VPS13B: variants seen among roughly 807,000 people sequenced by gnomAD.
VPS13B encodes the protein intermembrane lipid transfer protein VPS13B.
In VPS13B, 285 loss-of-function variants were observed where a neutral mutation model predicts 426.4. That is an observed-to-expected ratio of 0.67 (90% CI 0.61 to 0.74). VPS13B has a LOEUF of 0.74. Among genes scored for constraint, VPS13B ranks in the 30% least tolerant of loss-of-function variants. The pLI, the probability that VPS13B is intolerant of heterozygous loss-of-function variation, is 0.00. For synonymous variants in VPS13B, 1,676 were observed against 1,676.4 expected (o/e 1.00, Z 0.01); for missense variants, 4,537 against 4,782.6 (o/e 0.95, Z 1.51).
chr8:99,694,782 T>G (rs1288876433), intron 35 of VPS13B, among the ~76,000 whole-genome samples: 1 of 151,840 alleles, frequency 6.6e-6, no homozygotes. Context: ...GGGAGAAAAT[T>G]TTCACCACCT....
chr8:99,467,020 A>G (rs1273564513), intron 23 of VPS13B, among the ~76,000 whole-genome samples: 20 of 152,166 alleles, frequency 1.3e-4, no homozygotes, highest in African/African-American at 3.1e-4. Context: ...ATATTGTCTC[A>G]AAGTTCTTGG....
At chr8:99,781,666 A>C (rs1285995712) in intron 42 of VPS13B, among the ~76,000 whole-genome samples, 1 of 152,110 alleles carries the variant, frequency 6.6e-6, no homozygotes, top group Non-Finnish European at 1.5e-5. Context: ...TTTAATTTAC[A>C]TTTTTTCCTA....
rs751715193 is a variant in VPS13B, at chr8:99,481,622, T to C, written c.3690T>C (p.Thr1230=). 5.0e-6 allele frequency: 8 copies of C among 1,613,814 alleles called. No homozygotes were observed. In the Admixed American group the frequency reaches 5.0e-5, roughly 10 times the overall value. Residue 1230 remains threonine, a synonymous_variant, in exon 25 of 62, where the codon ACT becomes ACC. Transcript: ENST00000357162. ...NPQVQLFYEL[T]DIMNKVWNKI... The stretch of plus-strand genomic sequence containing the variant: ...AGGTCCAGCTCTTCTATGAACTAAC[T>C]GATATCATGAATAAGGTCTGGAACA...
chr8:99,854,298 G>A (rs766431746), intron 56 of VPS13B, 42 bp downstream of exon 56: 1 of 1,596,520 alleles, frequency 6.3e-7, no homozygotes, highest in Non-Finnish European at 8.5e-7. Context: ...CTAGAGCCCG[G>A]GTAGAAATGA....
At chr8:99,304,562 A>G (rs1404274952) in intron 19 of VPS13B, among the ~76,000 whole-genome samples, 1 of 152,090 alleles carries the variant, frequency 6.6e-6, no homozygotes, top group Non-Finnish European at 1.5e-5. Context: ...TTTTTCCTGG[A>G]CTGTCAATGA....
chr8:99,114,033 T>G (rs1052266774), intron 6 of VPS13B, among the ~76,000 whole-genome samples: 2 of 152,192 alleles, frequency 1.3e-5, no homozygotes, highest in Non-Finnish European at 2.9e-5. Flanking sequence ...ACATTTCTCC[T>G]GTTTTTAGAA....
intron 19 of VPS13B, among the ~76,000 whole-genome samples, chr8:99,368,963 G>T (rs1052965472): frequency 6.6e-6 from 1 of 152,136 alleles, no homozygotes; most frequent in Non-Finnish European, 1.5e-5. Context: ...GTTGCACAAG[G>T]TGGTGTCTAT....
chr8:99,324,821 A>T (rs1810156376), intron 19 of VPS13B, among the ~76,000 whole-genome samples: 1 of 152,198 alleles, frequency 6.6e-6, no homozygotes, highest in South Asian at 2.1e-4. Context: ...TGTTACTATA[A>T]TGTAGTCAGT....
At chr8:99,187,618 G>T (rs1813290638) in intron 16 of VPS13B, among the ~76,000 whole-genome samples, 1 of 152,158 alleles carries the variant, frequency 6.6e-6, no homozygotes, top group Non-Finnish European at 1.5e-5. Context: ...TGTTGGATGG[G>T]ATAGTGGCTT....
At chr8:99,294,164 G>C (rs1819899206) in intron 19 of VPS13B, among the ~76,000 whole-genome samples, 1 of 64,776 alleles carries the variant, frequency 1.5e-5, no homozygotes, top group Non-Finnish European at 3.4e-5. Context: ...TGATAGACTG[G>C]ATTAAGAAAA....
At chr8:99,718,511 T>C (rs1833008263) in intron 37 of VPS13B, among the ~76,000 whole-genome samples, 1 of 152,184 alleles carries the variant, frequency 6.6e-6, no homozygotes, top group African/African-American at 2.4e-5. Context: ...TTCTTGATTA[T>C]TTTGTATTTG....
chr8:99,558,191 C>A (rs1824691798), intron 31 of VPS13B, among the ~76,000 whole-genome samples: 1 of 152,074 alleles, frequency 6.6e-6, no homozygotes, highest in Non-Finnish European at 1.5e-5. Context: ...CACAATAATC[C>A]TACCAGGTAA....
At position 99,414,143 on chromosome 8, in the gene VPS13B, C is replaced by T. The variant is rs117647195; in HGVS notation, c.3083-17394C>T. Among the ~76,000 whole-genome samples, 66 of 151,118 alleles carry T rather than the reference C, an allele frequency of 4.4e-4. No homozygotes were observed. The East Asian group carries it at 0.012, about 27-fold the overall frequency. On this transcript the variant is annotated intron_variant, in intron 21 of 61. Transcript: ENST00000357162. The stretch of plus-strand genomic sequence containing the variant: ...GTGCATATATATTTAGGATAGTTAG[C>T]TTGATCCCTTTATCATTATGTAATG...
At chr8:99,616,016 A>G (rs1828069662) in intron 33 of VPS13B, among the ~76,000 whole-genome samples, 1 of 152,126 alleles carries the variant, frequency 6.6e-6, no homozygotes, top group Admixed American at 6.5e-5. Flanking sequence ...CATTAAAATG[A>G]GTTAAAAATC....
chr8:99,730,029 A>G (rs1833526488), intron 39 of VPS13B, among the ~76,000 whole-genome samples: 1 of 152,230 alleles, frequency 6.6e-6, no homozygotes, highest in Admixed American at 6.5e-5. Flanking sequence ...TGCCTCTTCC[A>G]CACATAGCTT....
At chr8:99,792,340 C>T (rs1481351486) in intron 43 of VPS13B, among the ~76,000 whole-genome samples, 2 of 152,072 alleles carry the variant, frequency 1.3e-5, no homozygotes, top group African/African-American at 4.8e-5. Context: ...CCAAAGATGA[C>T]CCAGATGTTG....
intron 31 of VPS13B, among the ~76,000 whole-genome samples, chr8:99,562,250 A>G (rs1037587034): frequency 6.6e-6 from 1 of 151,690 alleles, no homozygotes; most frequent in African/African-American, 2.4e-5. Context: ...TTCTTTGGAG[A>G]AAAGCTTATT....
At chr8:99,493,780 T>TAAA (rs376555643) in intron 25 of VPS13B, among the ~76,000 whole-genome samples, 8 of 61,118 alleles carry the variant, frequency 1.3e-4, no homozygotes, top group Non-Finnish European at 2.3e-4. Context: ...AGACTCTATC[T>TAAA]AAAAAAAAAA....
intron 15 of VPS13B, among the ~76,000 whole-genome samples, chr8:99,163,215 G>T (rs1251226379): frequency 3.9e-5 from 6 of 151,934 alleles, no homozygotes; most frequent in African/African-American, 1.5e-4. Flanking sequence ...ACAGAGTGAC[G>T]ATTGGTGCAT....
Sources: gnomAD v4.1 joint callset for allele counts (sites outside exome capture counted in the v4.1 genomes callset) on GRCh38, gnomAD v4.1.1 for gene constraint, MANE v1.5 for transcripts, NCBI Gene and HGNC (gene_info 2026-07-23, HGNC 2026-07-21) for gene names.